Variants in TUBGCP6 observed in about 807,000 individuals in gnomAD.
TUBGCP6 encodes gamma-tubulin complex component 6.
TUBGCP6 carries 161 observed loss-of-function variants against 175.8 expected under a neutral mutation model. The observed-to-expected ratio is 0.92, with a 90% confidence interval of 0.81 to 1.04. TUBGCP6 has a LOEUF of 1.04. Ranked by LOEUF, TUBGCP6 falls within the 50% of genes least tolerant of loss-of-function variation. TUBGCP6 has a pLI of 0.00. For missense variants in TUBGCP6, 2,572 were observed against 2,433.0 expected (o/e 1.06, Z -1.20); for synonymous variants, 1,173 against 1,030.5 (o/e 1.14, Z -2.65).
chr22:50,242,142 A>C (rs1324338208), intron 1 of TUBGCP6, among the ~76,000 whole-genome samples: 1 of 152,108 alleles, frequency 6.6e-6, no homozygotes, highest in African/African-American at 2.4e-5. Flanking sequence ...TATACAAAAA[A>C]TTCGCAGGGC....
Position 50,226,748 on chromosome 22 carries a change from C to A in TUBGCP6, c.1586G>T (p.Cys529Phe), listed in dbSNP as rs980393160. 1 of 1,585,476 alleles carries A rather than the reference C, an allele frequency of 6.3e-7. No individual in the cohort carries two copies. The highest frequency in any genetic ancestry group is 8.6e-7 in the Non-Finnish European group (1 of 1,166,836). The stretch of plus-strand genomic sequence containing the variant: ...CACTGCCCACCGGGTGTAGGGCTCG[C>A]AGCTGGTCTTCAGCAGGGACAGCAG... Reference protein sequence around the residue: ...PVLLSLLKTSCEPYTRFIHDW... With the variant: ...PVLLSLLKTSFEPYTRFIHDW... The change falls in exon 7 of 25, where the codon TGC becomes TTC. Residue 529 changes from cysteine (C) to phenylalanine (F), a missense_variant. Cys to Phe is a radical substitution (Grantham distance 205, BLOSUM62 -2). Coordinates refer to ENST00000248846, the MANE Select transcript of TUBGCP6 (RefSeq NM_020461.4).
At chr22:50,238,727 C>T (rs559340761) in intron 2 of TUBGCP6, among the ~76,000 whole-genome samples, 4 of 151,980 alleles carry the variant, frequency 2.6e-5, no homozygotes, top group East Asian at 2.0e-4. Flanking sequence ...TTAGTAGAGA[C>T]GGGGTTTCAC....
chr22:50,244,346 C>T lies in TUBGCP6; in HGVS notation c.114G>A (p.Lys38=). The change falls in exon 1 of 25, where the codon AAG becomes AAA. Residue 38 remains lysine, a synonymous_variant. Coordinates refer to ENST00000248846, the MANE Select transcript of TUBGCP6 (RefSeq NM_020461.4). ...VNRKRAKRSL[K]KVAYNALFTN... ...TGAAAAGAGCATTGTAGGCCACCTT[C>T]TTGAGGCTCCGCTTTGCCCTCTTCC... is the stretch of plus-strand genomic sequence containing the variant. The T allele has an allele frequency of 1.2e-6, 2 of 1,613,526 alleles. No individual in the cohort carries two copies. Among genetic ancestry groups the T allele is most frequent in the Non-Finnish European group, 1.7e-6 (2 of 1,180,032 alleles).
rs1484201802 is a variant in TUBGCP6, at chr22:50,221,549, G to T, written c.2810C>A (p.Ala937Glu). 6.3e-7 allele frequency: 1 copy of T among 1,586,904 alleles called. No homozygotes were observed. Among genetic ancestry groups the T allele is most frequent in the Non-Finnish European group, 8.6e-7 (1 of 1,164,738 alleles). The change falls in exon 16 of 25, where the codon GCA (alanine) becomes GAA (glutamate). Residue 937 changes from alanine (A) to glutamate (E), a missense_variant. Transcript: ENST00000248846. ...LDLPPSAPGE[A>E]PAAASTQPSR... ...GGGCTGAGTGCTGGCTGCTGCGGGT[G>T]CCTCCCCAGGAGCTGAGGGGGGCAG... is the stretch of plus-strand genomic sequence containing the variant.
At chr22:50,219,537 C>T (rs1344000114) in intron 18 of TUBGCP6, 81 bp from the exon 19 acceptor site, 3 of 1,584,778 alleles carry the variant, frequency 1.9e-6, no homozygotes, top group East Asian at 2.2e-5. Flanking sequence ...GGAGCACGTG[C>T]TGGGAACTGG....
At position 50,244,175 on chromosome 22, in the gene TUBGCP6, C is replaced by T. The variant is rs752252685; in HGVS notation, c.285G>A (p.Glu95=). 1 of 1,613,230 alleles carries T rather than the reference C, an allele frequency of 6.2e-7. No individual in the cohort carries two copies. The part of the protein sequence containing the change: ...KADRLEELVE[E]LEAAPCCPLL... ...GCGGACAGCAAGGGGCTGCTTCCAG[C>T]TCCTCCACAAGCTCCTCCAAACGGT... The change falls in exon 1 of 25, where the codon GAG becomes GAA. Residue 95 remains glutamate (E), a synonymous_variant. Coordinates refer to ENST00000248846, the MANE Select transcript of TUBGCP6 (RefSeq NM_020461.4).
At chr22:50,233,290 T>C in intron 3 of TUBGCP6, 26 bp downstream of exon 3, 4 of 1,593,818 alleles carry the variant, frequency 2.5e-6, no homozygotes, top group Non-Finnish European at 3.4e-6. Flanking sequence ...CCCACACCAC[T>C]GTGGCGGGGA....
rs147470039 is a variant in TUBGCP6, at chr22:50,226,697, T to C, written c.1601+36A>G. ...CTCTCAAGTGTCTGCCTGGTGGGAG[T>C]GCGCGCCCGCCGCGCCTGCCCAGCC... On this transcript the variant is annotated intron_variant, in intron 7 of 24. Coordinates refer to ENST00000248846, the MANE Select transcript of TUBGCP6 (RefSeq NM_020461.4). 2,765 of 1,512,208 alleles carry C rather than the reference T, an allele frequency of 1.8e-3. 30 individuals carry two copies. In the African/African-American group the frequency reaches 0.03, roughly 16 times the overall value. The allele number at this position is 1,512,208 out of a possible 1,614,324, so 93.7% of individuals were successfully genotyped here.
chr22:50,218,753 A>G lies in TUBGCP6; in HGVS notation c.4771T>C (p.Phe1591Leu), dbSNP rs931471854. The G allele has an allele frequency of 6.2e-7, 1 of 1,613,964 alleles. No individual in the cohort carries two copies. The highest frequency in any genetic ancestry group is 8.5e-7 in the Non-Finnish European group (1 of 1,179,970). Residue 1591 changes from phenylalanine to leucine, a missense_variant, in exon 21 of 25, where the codon TTT becomes CTT. Transcript: ENST00000248846. ...AGCACATCCGGGGCGTTGGGGGCAA[A>G]CACCTCGGGCAGGTACTTGAGAGCG... ...SLALKYLPEVFAPNAPDVLSC... is the reference protein window; with the variant it reads ...SLALKYLPEVLAPNAPDVLSC...
chr22:50,243,718 C>G lies in TUBGCP6; in HGVS notation c.741+1G>C. 1 of 1,606,084 alleles carries G rather than the reference C, an allele frequency of 6.2e-7. No homozygotes were observed. Among genetic ancestry groups the G allele is most frequent in the Non-Finnish European group, 8.5e-7 (1 of 1,174,688 alleles). On this transcript the variant is annotated splice_donor_variant, in intron 1 of 24. Transcript: ENST00000248846. LOFTEE classifies it high-confidence loss of function. ...GAAAGAGGAAAAACTAAACATTCTA[C>G]CTTAATAGCCAGCCCAGAGAGGTCC... is the stretch of plus-strand genomic sequence containing the variant.
At chr22:50,224,631 GCGCAGTGGCTCACGC>G in intron 10 of TUBGCP6, 39 bp from the exon 11 acceptor site, 1 of 1,604,760 alleles carries the variant, frequency 6.2e-7, no homozygotes, top group Non-Finnish European at 8.5e-7. Context: ...TCCTGGCCGG[GCGCAGTGGCTCACGC>G]CTGTAATCCT....
rs780876871 is a variant in TUBGCP6, at chr22:50,240,201, C to CA, written c.905+2dup. On this transcript the variant is annotated splice_region_variant and intron_variant, in intron 2 of 24. Transcript: ENST00000248846. ...GCATGCCAAGGCAAAGAAGGGCACA[C>CA]ACCAGCCAACTCGCTCCCAGCACCT... is the stretch of plus-strand genomic sequence containing the variant. 2.3e-5 allele frequency: 37 copies of CA among 1,613,522 alleles called. No homozygotes were observed. Among genetic ancestry groups the CA allele is most frequent in the Non-Finnish European group, 3.0e-5 (35 of 1,180,006 alleles).
rs768267901 is a variant in TUBGCP6, at chr22:50,244,396, G to A, written c.64C>T (p.His22Tyr). Residue 22 changes from histidine (H) to tyrosine (Y), a missense_variant, in exon 1 of 25, where the codon CAC (histidine) becomes TAC (tyrosine). Physicochemically the swap from His to Tyr is moderately conservative, Grantham distance 83 (BLOSUM62 2). Coordinates refer to ENST00000248846, the MANE Select transcript of TUBGCP6 (RefSeq NM_020461.4). The stretch of plus-strand genomic sequence containing the variant: ...CGGTTCACACTGCGCTGGCCCAGGT[G>A]AGTCTTGGCAGCCGGCAGGAGGGCC... ...CEALLPAAKT[H>Y]LGQRSVNRKR... The A allele has an allele frequency of 2.5e-6, 4 of 1,613,272 alleles. No homozygotes were observed. The highest frequency in any genetic ancestry group is 2.2e-5 in the East Asian group (1 of 44,884).
intron 1 of TUBGCP6, among the ~76,000 whole-genome samples, chr22:50,241,060 A>T (rs1383749256): frequency 6.6e-6 from 1 of 152,254 alleles, no homozygotes; most frequent in African/African-American, 2.4e-5. Flanking sequence ...TATATAGAAC[A>T]AGAATAGTTA....
At chr22:50,230,718 GC>G (rs937469035) in intron 3 of TUBGCP6, among the ~76,000 whole-genome samples, 10 of 150,416 alleles carry the variant, frequency 6.6e-5, no homozygotes, top group Non-Finnish European at 8.9e-5. Context: ...AGTTGAGGCT[GC>G]AGTGAGTCAT....
chr22:50,218,435 G>T, intron 22 of TUBGCP6, 33 bp from the exon 23 acceptor site: 1 of 1,612,794 alleles, frequency 6.2e-7, no homozygotes, highest in Non-Finnish European at 8.5e-7. Context: ...GGGCAGAGGT[G>T]AGCGCAGCCT....
At position 50,217,975 on chromosome 22, in the gene TUBGCP6, C is replaced by T. The variant is rs546353715; in HGVS notation, c.5311G>A (p.Ala1771Thr). The T allele has an allele frequency of 1.2e-6, 2 of 1,610,500 alleles. No homozygotes were observed. The highest frequency in any genetic ancestry group is 2.7e-5 in the African/African-American group (2 of 74,794). The change falls in exon 24 of 25, where the codon GCA becomes ACA. Residue 1771 changes from alanine (A) to threonine (T), a missense_variant. Physicochemically the swap from Ala to Thr is moderately conservative, Grantham distance 58 (BLOSUM62 0). Coordinates refer to ENST00000248846, the MANE Select transcript of TUBGCP6 (RefSeq NM_020461.4). ...GTGTTGTAGGACTGCTGCATGAGTGCAAAGTTGGGGTGCTCTGCACCCCGC... is the reference window on the plus strand; with the variant it reads ...GTGTTGTAGGACTGCTGCATGAGTGTAAAGTTGGGGTGCTCTGCACCCCGC... Reference protein sequence around the residue: ...GPRGAEHPNFALMQQSYNTFK... With the variant: ...GPRGAEHPNFTLMQQSYNTFK...
chr22:50,218,490 G>A lies in TUBGCP6; in HGVS notation c.4952C>T (p.Thr1651Ile), dbSNP rs1231453610. The change falls in exon 22 of 25, where the codon ACA becomes ATA. Residue 1651 changes from threonine (T) to isoleucine (I), a missense_variant and splice_region_variant. Coordinates refer to ENST00000248846, the MANE Select transcript of TUBGCP6 (RefSeq NM_020461.4). ...LKDVCFHLKR[T>I]ALLSHMAGSV... ...GCCGGGCTCCAGCGGGGCCTCACCT[G>A]TGCGCTTGAGGTGGAAGCAGACGTC... is the stretch of plus-strand genomic sequence containing the variant. 1.9e-6 allele frequency: 3 copies of A among 1,613,506 alleles called. No individual in the cohort carries two copies. The highest frequency in any genetic ancestry group is 2.5e-6 in the Non-Finnish European group (3 of 1,179,948).
At chr22:50,226,563 T>A (rs1601592616) in intron 7 of TUBGCP6, among the ~76,000 whole-genome samples, 170 bp downstream of exon 7, 1 of 13,604 alleles carries the variant, frequency 7.4e-5, no homozygotes, top group African/African-American at 2.9e-4. Flanking sequence ...GGGTGGGGGG[T>A]GTGGAGTGGG....
Sources: gnomAD v4.1 joint callset for allele counts (sites outside exome capture counted in the v4.1 genomes callset) on GRCh38, gnomAD v4.1.1 for gene constraint, MANE v1.5 for transcripts, NCBI Gene and HGNC (gene_info 2026-07-23, HGNC 2026-07-21) for gene names.